Variants in EML6 observed in about 807,000 individuals in gnomAD.
The protein encoded by EML6 is EMAP like 6.
A neutral mutation model predicts 240.1 loss-of-function variants in EML6; 154 were observed. That is an observed-to-expected ratio of 0.64 (90% CI 0.56 to 0.73). EML6 has a LOEUF of 0.73. Ranked by LOEUF, EML6 falls within the 30% of genes least tolerant of loss-of-function variation. The pLI, the probability that EML6 is intolerant of heterozygous loss-of-function variation, is 0.00. For missense variants in EML6, 2,964 were observed against 2,474.6 expected, an observed-to-expected ratio of 1.20 and a Z score of -4.20; for synonymous variants, 1,148 against 899.0, an observed-to-expected ratio of 1.28 and a Z score of -4.95.
chr2:54,936,247 A>G (rs1467814002), intron 28 of EML6, among the ~76,000 whole-genome samples: 1 of 152,222 alleles, frequency 6.6e-6, no homozygotes, highest in Non-Finnish European at 1.5e-5. Context: ...TTGATAATTG[A>G]TATGTAGCAT....
intron 21 of EML6, among the ~76,000 whole-genome samples, chr2:54,896,804 T>A (rs1672795279): frequency 6.6e-6 from 1 of 152,198 alleles, no homozygotes; most frequent in Non-Finnish European, 1.5e-5. Context: ...ATATACACTA[T>A]GGCTCAGGAC....
At chr2:54,826,621 T>G (rs1668610132) in intron 5 of EML6, among the ~76,000 whole-genome samples, 1 of 152,038 alleles carries the variant, frequency 6.6e-6, no homozygotes, top group Non-Finnish European at 1.5e-5. Context: ...CCAAAAAAAC[T>G]ATGTCAATAC....
At chr2:54,921,243 TAA>T (rs1674234534) in intron 26 of EML6, among the ~76,000 whole-genome samples, 1 of 152,072 alleles carries the variant, frequency 6.6e-6, no homozygotes, top group South Asian at 2.1e-4. Flanking sequence ...TTAGAATTAA[TAA>T]AGTCAGTAAA....
chr2:54,868,254 T>C (rs1671074586), intron 14 of EML6: 1 of 152,212 alleles, frequency 6.6e-6, no homozygotes, highest in African/African-American at 2.4e-5. Flanking sequence ...ATTAACAGTT[T>C]ATTTGAATTA....
chr2:54,769,914 A>G (rs1420996795), intron 2 of EML6, among the ~76,000 whole-genome samples: 1 of 152,160 alleles, frequency 6.6e-6, no homozygotes, highest in Non-Finnish European at 1.5e-5. Context: ...CGGACTCTGG[A>G]AAGCCACTAT....
chr2:54,825,392 TA>T (rs1001093570), intron 5 of EML6, among the ~76,000 whole-genome samples: 11 of 152,118 alleles, frequency 7.2e-5, no homozygotes, highest in South Asian at 2.1e-4. Flanking sequence ...TATTCTTTAT[TA>T]AAAAAAACTT....
intron 25 of EML6, 39 bp downstream of exon 25, chr2:54,911,081 G>A: frequency 1.8e-6 from 2 of 1,114,612 alleles, no homozygotes; most frequent in Non-Finnish European, 2.6e-6. Flanking sequence ...GATATTTTGT[G>A]AAGATTTAAT....
chr2:54,898,478 C>G (rs190136600), intron 21 of EML6, among the ~76,000 whole-genome samples: 12 of 152,214 alleles, frequency 7.9e-5, no homozygotes, highest in Admixed American at 7.8e-4. Context: ...AAAGAGAAGG[C>G]TAGAAAACCG....
At chr2:54,796,791 G>A (rs895840425) in intron 2 of EML6, among the ~76,000 whole-genome samples, 24 of 152,172 alleles carry the variant, frequency 1.6e-4, no homozygotes, top group Non-Finnish European at 1.5e-4. Context: ...AGAACAAACC[G>A]TTTTAGAGCA....
At chr2:54,794,088 A>T (rs762016589) in intron 2 of EML6, among the ~76,000 whole-genome samples, 4 of 152,110 alleles carry the variant, frequency 2.6e-5, no homozygotes, top group Non-Finnish European at 5.9e-5. Flanking sequence ...TCCATATATT[A>T]TCTCAAATAA....
In EML6 at chr2:54,725,261, A is replaced by G. The variant is rs770801029; in HGVS notation, c.197+3A>G. ...GGACACAACGACGACATTATCAGGT[A>G]AGGGGGTGGCCAGGGGCGGCGGGGA... is the stretch of plus-strand genomic sequence containing the variant. On this transcript the variant is annotated splice_donor_region_variant and intron_variant, in intron 2 of 41. Coordinates refer to ENST00000356458, the MANE Select transcript of EML6 (RefSeq NM_001039753.4). The surrounding 1 kb of genome is among the most constrained non-coding windows in gnomAD (Gnocchi z 4.3). 1.2e-5 allele frequency: 17 copies of G among 1,428,300 alleles called. No individual in the cohort carries two copies. The highest frequency in any genetic ancestry group is 1.4e-5 in the Non-Finnish European group (15 of 1,078,756). 88.5% of individuals were successfully genotyped at this position (1,428,300 alleles called of 1,614,324 possible).
chr2:54,751,016 T>TA (rs1190130156), intron 2 of EML6, among the ~76,000 whole-genome samples: 3 of 152,210 alleles, frequency 2.0e-5, no homozygotes, highest in African/African-American at 4.8e-5. Context: ...AAGTGGTAGT[T>TA]ACAAGAAAGC....
At chr2:54,859,403 A>G in intron 11 of EML6, 131 bp from the exon 12 acceptor site, 1 of 703,646 alleles carries the variant, frequency 1.4e-6, no homozygotes, top group Non-Finnish European at 2.4e-6. Context: ...TTGTTACAAT[A>G]TGTAAGACGG....
At position 54,871,567 on chromosome 2, in the gene EML6, G is replaced by T. The variant is rs1558635109; in HGVS notation, c.2306G>T (p.Gly769Val). The T allele has an allele frequency of 6.4e-7, 1 of 1,551,728 alleles. No individual in the cohort carries two copies. Among genetic ancestry groups the T allele is most frequent in the Non-Finnish European group, 8.7e-7 (1 of 1,146,940 alleles). Residue 769 changes from glycine (G) to valine (V), a missense_variant, in exon 16 of 42, where the codon GGA becomes GTA. Coordinates refer to ENST00000356458, the MANE Select transcript of EML6 (RefSeq NM_001039753.4). Reference sequence around the variant, plus strand: ...CTAAAATGTTTGTCGCTGTTGAAAGGACAACATCAGAGAGGAGTGTGTGCA... The same window carrying T: ...CTAAAATGTTTGTCGCTGTTGAAAGTACAACATCAGAGAGGAGTGTGTGCA... The part of the protein sequence containing the change: ...QTLKCLSLLK[G>V]QHQRGVCALD...
At chr2:54,777,668 C>A (rs961391859) in intron 2 of EML6, among the ~76,000 whole-genome samples, 1 of 152,120 alleles carries the variant, frequency 6.6e-6, no homozygotes, top group African/African-American at 2.4e-5. Context: ...GCACTGGAAT[C>A]TTTTTCTCAC....
chr2:54,828,519 T>C (rs1668707074), intron 6 of EML6, among the ~76,000 whole-genome samples: 1 of 152,226 alleles, frequency 6.6e-6, no homozygotes, highest in South Asian at 2.1e-4. Context: ...CCAAATTGAT[T>C]CCCTATACCC....
intron 16 of EML6, among the ~76,000 whole-genome samples, chr2:54,874,875 G>A (rs759418064): frequency 1.2e-4 from 18 of 152,102 alleles, no homozygotes; most frequent in Non-Finnish European, 2.4e-4. Flanking sequence ...AAGTTTGGTG[G>A]GGTGGCCTGG....
chr2:54,779,546 CAAAAAA>C (rs57641161), intron 2 of EML6, among the ~76,000 whole-genome samples: 1 of 96,716 alleles, frequency 1.0e-5, no homozygotes, highest in Admixed American at 1.1e-4. Context: ...GACTCTGTCT[CAAAAAA>C]AAAAAAAAAA....
chr2:54,847,330 A>C (rs566432042), intron 8 of EML6, among the ~76,000 whole-genome samples, 156 bp from the exon 9 acceptor site: 3 of 152,100 alleles, frequency 2.0e-5, no homozygotes, highest in African/African-American at 7.2e-5. Context: ...ACACCTTTCC[A>C]CACTCGCTGA....
Sources: allele counts gnomAD v4.1 joint callset (sites outside exome capture counted in the v4.1 genomes callset), GRCh38; gene constraint gnomAD v4.1.1; non-coding constraint Gnocchi (gnomAD v3.1); transcripts MANE v1.5; gene names NCBI Gene and HGNC (gene_info 2026-07-23, HGNC 2026-07-21).